GKAP1: variants seen among roughly 807,000 people sequenced by gnomAD.
GKAP1 encodes the protein G kinase anchoring protein 1.
In GKAP1, 31 loss-of-function variants were observed where a neutral mutation model predicts 56.7. The observed-to-expected ratio is 0.55, with a 90% confidence interval of 0.41 to 0.74. The LOEUF is 0.74. Ranked by LOEUF, GKAP1 falls within the 30% of genes least tolerant of loss-of-function variation. GKAP1 has a pLI of 0.00. For synonymous variants in GKAP1, 151 were observed against 138.6 expected (o/e 1.09, Z -0.63); for missense variants, 364 against 402.3 (o/e 0.90, Z 0.82).
At chr9:83,771,961 C>T (rs1422229626) in intron 7 of GKAP1, among the ~76,000 whole-genome samples, 2 of 132,370 alleles carry the variant, frequency 1.5e-5, no homozygotes, top group Non-Finnish European at 3.3e-5. Flanking sequence ...GCATTCTGTC[C>T]CTTAAGTACT....
chr9:83,803,033 T>A (rs1284662153), intron 3 of GKAP1, among the ~76,000 whole-genome samples: 2 of 151,990 alleles, frequency 1.3e-5, no homozygotes, highest in African/African-American at 4.8e-5. Flanking sequence ...CACTTGAGCC[T>A]GGGAGGCAGA....
At chr9:83,779,478 T>TAA (rs1564201530) in intron 7 of GKAP1, among the ~76,000 whole-genome samples, 1 of 50,426 alleles carries the variant, frequency 2.0e-5, no homozygotes, top group Non-Finnish European at 5.3e-5. Context: ...CATATACATA[T>TAA]ACATACATAT....
chr9:83,767,798 T>C (rs2131266260), intron 8 of GKAP1, among the ~76,000 whole-genome samples: 1 of 152,314 alleles, frequency 6.6e-6, no homozygotes, highest in South Asian at 2.1e-4. Flanking sequence ...GCAATTCTCG[T>C]GTCTCAGCCT....
At chr9:83,758,289 T>C (rs1363618199) in intron 8 of GKAP1, among the ~76,000 whole-genome samples, 3 of 152,156 alleles carry the variant, frequency 2.0e-5, no homozygotes, top group Non-Finnish European at 4.4e-5. Context: ...TGTTCAATAA[T>C]AGGGCAAATA....
chr9:83,779,448 T>TATATATATATATACACAC (rs1554742273), intron 7 of GKAP1, among the ~76,000 whole-genome samples: 1 of 119,598 alleles, frequency 8.4e-6, no homozygotes, highest in African/African-American at 3.1e-5. Flanking sequence ...TATATATATA[T>TATATATATATATACACAC]ACACACACAC....
At chr9:83,800,760 T>A (rs1035821383) in intron 3 of GKAP1, among the ~76,000 whole-genome samples, 1 of 152,206 alleles carries the variant, frequency 6.6e-6, no homozygotes. Context: ...TTTTAGCCAA[T>A]CACAGGTGGT....
At chr9:83,758,657 G>A (rs1274037196) in intron 8 of GKAP1, among the ~76,000 whole-genome samples, 2 of 151,780 alleles carry the variant, frequency 1.3e-5, no homozygotes, top group African/African-American at 2.4e-5. Context: ...GCTGAGGCAG[G>A]AGCATTGCTT....
intron 7 of GKAP1, among the ~76,000 whole-genome samples, chr9:83,776,560 T>C (rs980274384): frequency 6.6e-6 from 1 of 152,060 alleles, no homozygotes; most frequent in Non-Finnish European, 1.5e-5. Flanking sequence ...CTGGGCATGG[T>C]GGTGCACATC....
At chr9:83,756,997 G>A (rs1165632643) in intron 8 of GKAP1, among the ~76,000 whole-genome samples, 2 of 152,100 alleles carry the variant, frequency 1.3e-5, no homozygotes, top group African/African-American at 4.8e-5. Context: ...AAATGAGGAT[G>A]AAAAGATGTA....
At chr9:83,812,880 T>A (rs932908861) in intron 2 of GKAP1, among the ~76,000 whole-genome samples, 4 of 152,136 alleles carry the variant, frequency 2.6e-5, no homozygotes, top group Non-Finnish European at 5.9e-5. Flanking sequence ...AAGACTAATA[T>A]GTTGCATACT....
intron 8 of GKAP1, among the ~76,000 whole-genome samples, chr9:83,760,083 T>C (rs916512004): frequency 2.6e-5 from 4 of 152,146 alleles, no homozygotes; most frequent in Non-Finnish European, 5.9e-5. Context: ...TCAAATTCTA[T>C]TGTCTTTATA....
chr9:83,794,955 A>T (rs1944219846), intron 4 of GKAP1, among the ~76,000 whole-genome samples: 1 of 152,002 alleles, frequency 6.6e-6, no homozygotes, highest in African/African-American at 2.4e-5. Context: ...CAGGAGTTCG[A>T]GACCAGCCTG....
intron 4 of GKAP1, among the ~76,000 whole-genome samples, chr9:83,798,565 G>A (rs1944283130): frequency 6.6e-6 from 1 of 152,182 alleles, no homozygotes; most frequent in Admixed American, 6.5e-5. Context: ...TGCCCAGGCT[G>A]GAGTGCAGTG....
rs1564201886 is a variant in GKAP1 at position 83,779,608 on chromosome 9, C to CACATAT, written c.585+773_585+774insATATGT. On this transcript the variant is annotated intron_variant, in intron 7 of 12. Transcript: ENST00000376371. The stretch of plus-strand genomic sequence containing the variant: ...ACACGTATATGTGTATATATATACA[C>CACATAT]ATATACACACACACACACACACACA... 9.0e-4 allele frequency among the ~76,000 whole-genome samples: 71 copies of CACATAT among 78,500 alleles called. 5 individuals are homozygous for CACATAT. The highest frequency in any genetic ancestry group is 0.017 in the Middle Eastern group (2 of 120). 51.5% of individuals were successfully genotyped at this position (78,500 alleles called of 152,430 possible).
chr9:83,812,322 T>C (rs975562585), intron 2 of GKAP1, among the ~76,000 whole-genome samples: 2 of 148,194 alleles, frequency 1.3e-5, no homozygotes, highest in Admixed American at 6.8e-5. Flanking sequence ...TATATGTATA[T>C]ATACACACGT....
chr9:83,767,021 A>G (rs542130330), intron 8 of GKAP1, among the ~76,000 whole-genome samples: 1 of 152,298 alleles, frequency 6.6e-6, no homozygotes, highest in South Asian at 2.1e-4. Context: ...GATGGATTGG[A>G]GGTCAATATA....
rs116058677 is a variant in GKAP1 at position 83,784,198 on chromosome 9, C to T, written c.562+517G>A. Among the ~76,000 whole-genome samples, 477 of 151,274 alleles carry T rather than the reference C, an allele frequency of 3.2e-3. 4 individuals carry two copies. The highest frequency in any genetic ancestry group is 0.01 in the African/African-American group (422 of 41,308). On this transcript the variant is annotated intron_variant, in intron 6 of 12. Transcript: ENST00000376371. ...ATAAGAATTGCTTGAGTCGTGGAGG[C>T]GGAGGTTACAGTGAGCCATGACTGC... is the stretch of plus-strand genomic sequence containing the variant.
intron 9 of GKAP1, among the ~76,000 whole-genome samples, chr9:83,752,510 C>T (rs758218844): frequency 3.3e-5 from 5 of 152,074 alleles, no homozygotes; most frequent in Non-Finnish European, 7.4e-5. Flanking sequence ...ACATGAGGTA[C>T]CTAGAATGGG....
rs1315363783 is a variant in GKAP1, at chr9:83,779,575, A to G, written c.585+807T>C. Among the ~76,000 whole-genome samples, 45 of 92,262 alleles carry G rather than the reference A, an allele frequency of 4.9e-4. 4 individuals are homozygous for G. The highest frequency in any genetic ancestry group is 7.3e-4 in the Non-Finnish European group (38 of 51,872). 60.5% of individuals were successfully genotyped at this position (92,262 alleles called of 152,430 possible). A position where few individuals can be genotyped will look rare whatever the true frequency, so the allele number is the denominator to read the frequency against. ...TGTATATGTGTATATATATACACACATATATATACACGTATATGTGTATAT... is the reference window on the plus strand; with the variant it reads ...TGTATATGTGTATATATATACACACGTATATATACACGTATATGTGTATAT... On this transcript the variant is annotated intron_variant, in intron 7 of 12. Transcript: ENST00000376371.
Sources: allele counts gnomAD v4.1 joint callset (sites outside exome capture counted in the v4.1 genomes callset), GRCh38; gene constraint gnomAD v4.1.1; transcripts MANE v1.5; gene names NCBI Gene and HGNC (gene_info 2026-07-23, HGNC 2026-07-21).